Variants in SPAG16 observed in about 807,000 individuals in gnomAD.
SPAG16 encodes the protein sperm-associated antigen 16 protein.
SPAG16 carries 86 observed loss-of-function variants against 80.4 expected under a neutral mutation model. That is an observed-to-expected ratio of 1.07 (90% CI 0.90 to 1.28). The LOEUF is 1.28. Among genes scored for constraint, SPAG16 ranks in the 50% most tolerant of loss-of-function variants. SPAG16 has a pLI of 0.00. For missense variants in SPAG16, 870 were observed against 765.3 expected, an observed-to-expected ratio of 1.14 and a Z score of -1.61; for synonymous variants, 294 against 265.9, an observed-to-expected ratio of 1.11 and a Z score of -1.03.
chr2:214,303,875 A>T (rs935262088), intron 15 of SPAG16, among the ~76,000 whole-genome samples: 1 of 152,014 alleles, frequency 6.6e-6, no homozygotes, highest in African/African-American at 2.4e-5. Context: ...TTAACTTTTA[A>T]GTTCAGGGTT....
intron 11 of SPAG16, among the ~76,000 whole-genome samples, chr2:213,907,080 T>A (rs1457409096): frequency 6.6e-6 from 1 of 152,148 alleles, no homozygotes; most frequent in Non-Finnish European, 1.5e-5. Flanking sequence ...GATAACCTGT[T>A]GAATGGAAGA....
intron 9 of SPAG16, among the ~76,000 whole-genome samples, chr2:213,380,049 T>C (rs2067087390): frequency 6.6e-6 from 1 of 152,212 alleles, no homozygotes; most frequent in Non-Finnish European, 1.5e-5. Flanking sequence ...TCCATCCACG[T>C]ACCTCTTTCC....
intron 13 of SPAG16, among the ~76,000 whole-genome samples, chr2:214,033,100 TG>T (rs2048504461): frequency 6.6e-6 from 1 of 152,192 alleles, no homozygotes; most frequent in African/African-American, 2.4e-5. Context: ...GAAATATTTT[TG>T]GTCAAAGCAG....
chr2:214,208,001 T>C (rs1459291729), intron 15 of SPAG16, among the ~76,000 whole-genome samples: 6 of 152,234 alleles, frequency 3.9e-5, no homozygotes, highest in Non-Finnish European at 1.5e-5. Flanking sequence ...TTGAGGTTTT[T>C]GGACTCAGAC....
intron 10 of SPAG16, among the ~76,000 whole-genome samples, chr2:213,660,402 ATGTATGTATGTACATATGTG>A: frequency 6.6e-6 from 1 of 151,798 alleles, no homozygotes; most frequent in South Asian, 2.1e-4. Flanking sequence ...ATACATATGT[ATGTATGTATGTACATATGTG>A]TGTATGATGT....
intron 6 of SPAG16, among the ~76,000 whole-genome samples, chr2:213,344,584 G>A (rs1324543126): frequency 6.6e-6 from 1 of 152,060 alleles, no homozygotes; most frequent in Non-Finnish European, 1.5e-5. Flanking sequence ...CTGTGTCCAT[G>A]TGTTCTCATT....
chr2:214,271,654 G>T (rs1361712505), intron 15 of SPAG16, among the ~76,000 whole-genome samples: 1 of 152,040 alleles, frequency 6.6e-6, no homozygotes, highest in Non-Finnish European at 1.5e-5. Context: ...ACAAAAGTTA[G>T]CTGGGCATGG....
intron 10 of SPAG16, among the ~76,000 whole-genome samples, chr2:213,727,090 A>G (rs2066801587): frequency 6.6e-6 from 1 of 152,222 alleles, no homozygotes; most frequent in South Asian, 2.1e-4. Context: ...TCAAGACATA[A>G]TGAATATACA....
At chr2:213,358,486 C>A (rs1382562522) in intron 7 of SPAG16, among the ~76,000 whole-genome samples, 1 of 152,196 alleles carries the variant, frequency 6.6e-6, no homozygotes, top group East Asian at 1.9e-4. Context: ...ATCTTGTCTT[C>A]TCACTTTATT....
At chr2:213,714,546 A>G (rs1370850896) in intron 10 of SPAG16, among the ~76,000 whole-genome samples, 2 of 152,168 alleles carry the variant, frequency 1.3e-5, no homozygotes, top group African/African-American at 4.8e-5. Flanking sequence ...GGGCTTTTAT[A>G]ATTACTAAAT....
chr2:214,295,821 G>T (rs1196150034), intron 15 of SPAG16, among the ~76,000 whole-genome samples: 1 of 152,002 alleles, frequency 6.6e-6, no homozygotes, highest in East Asian at 1.9e-4. Context: ...ATATGAGATT[G>T]GACCAGCTGC....
intron 10 of SPAG16, among the ~76,000 whole-genome samples, chr2:213,691,255 C>A (rs2125295610): frequency 6.6e-6 from 1 of 152,244 alleles, no homozygotes; most frequent in South Asian, 2.1e-4. Flanking sequence ...CTGGGCTAGC[C>A]CTGACTTGGA....
chr2:214,132,964 C>T (rs1212949273), intron 14 of SPAG16, among the ~76,000 whole-genome samples: 22 of 151,986 alleles, frequency 1.4e-4, no homozygotes, highest in Admixed American at 9.8e-4. Context: ...TGGTGGCAGA[C>T]GCCTGTAATC....
intron 10 of SPAG16, among the ~76,000 whole-genome samples, chr2:213,858,860 A>T (rs944463481): frequency 6.6e-6 from 1 of 152,066 alleles, no homozygotes; most frequent in African/African-American, 2.4e-5. Context: ...TTCTACATTT[A>T]TTTTTAGAGA....
rs193029082 is a variant in SPAG16, at chr2:214,198,985, G to A, written c.1720+49719G>A. Among the ~76,000 whole-genome samples, 25 of 152,166 alleles carry A rather than the reference G, an allele frequency of 1.6e-4. No homozygotes were observed. In the East Asian group the frequency reaches 4.6e-3, roughly 28 times the overall value. ...GTCTTGCTGATTTGTTGAGTTCCTT[G>A]TAGATTCTGGATAGTGGCCCTTTGT... On this transcript the variant is annotated intron_variant, in intron 15 of 15. Coordinates refer to ENST00000331683, the MANE Select transcript of SPAG16 (RefSeq NM_024532.5).
intron 15 of SPAG16, among the ~76,000 whole-genome samples, chr2:214,393,048 G>A (rs1002949174): frequency 6.6e-6 from 1 of 152,018 alleles, no homozygotes; most frequent in African/African-American, 2.4e-5. Flanking sequence ...GTGGTGGAAG[G>A]GTTTAAGGCA....
chr2:214,012,301 TTTTTTTTTC>T (rs2047350114), intron 12 of SPAG16, among the ~76,000 whole-genome samples: 2 of 114,888 alleles, frequency 1.7e-5, no homozygotes, highest in African/African-American at 6.8e-5. Flanking sequence ...TTTTTTTTTT[TTTTTTTTTC>T]CTCGAGAGGG....
chr2:213,671,143 C>T (rs1043248326), intron 10 of SPAG16, among the ~76,000 whole-genome samples: 1 of 152,148 alleles, frequency 6.6e-6, no homozygotes, highest in Non-Finnish European at 1.5e-5. Flanking sequence ...ATTGTGTACT[C>T]ATTTTAACAT....
chr2:214,216,235 T>C (rs1054665968), intron 15 of SPAG16, among the ~76,000 whole-genome samples: 5 of 152,214 alleles, frequency 3.3e-5, no homozygotes, highest in South Asian at 2.1e-4. Flanking sequence ...TAGTATCTTA[T>C]AATGAATGAA....
Sources: allele counts gnomAD v4.1 joint callset (sites outside exome capture counted in the v4.1 genomes callset), GRCh38; gene constraint gnomAD v4.1.1; transcripts MANE v1.5; gene names NCBI Gene and HGNC (gene_info 2026-07-23, HGNC 2026-07-21).